The following STK3 variants were observed in gnomAD, a reference collection of about 807,000 sequenced individuals.
The protein encoded by STK3 is serine/threonine-protein kinase 3.
STK3 carries 41 observed loss-of-function variants against 58.0 expected under a neutral mutation model. That is an observed-to-expected ratio of 0.71 (90% CI 0.55 to 0.92). The LOEUF (loss-of-function observed/expected upper bound fraction) is 0.92. Among genes scored for constraint, STK3 ranks in the 40% least tolerant of loss-of-function variants. STK3 has a pLI of 0.00. For synonymous variants in STK3, 170 were observed against 191.0 expected (o/e 0.89, Z 0.91); for missense variants, 479 against 602.7 (o/e 0.79, Z 2.15).
At position 98,825,658 on chromosome 8, in the gene STK3, A is replaced by T; in HGVS notation, c.-118T>A. On this transcript the variant is annotated 5_prime_UTR_variant, in exon 1 of 11. Transcript: ENST00000419617. ...ACAGAGGGAAACTCTGGGAACTCGG[A>T]CCAACTTTCCCGTAACTCCGCGGCG... The T allele has an allele frequency of 8.4e-7, 1 of 1,187,364 alleles. No homozygotes were observed. The highest frequency in any genetic ancestry group is 1.1e-6 in the Non-Finnish European group (1 of 948,152). The allele number at this position is 1,187,364 out of a possible 1,614,324, so 73.6% of individuals were successfully genotyped here.
At chr8:98,776,982 G>A (rs944106811) in intron 1 of STK3, among the ~76,000 whole-genome samples, 3 of 151,848 alleles carry the variant, frequency 2.0e-5, no homozygotes, top group East Asian at 1.9e-4. Context: ...CCCAGGAGGC[G>A]GAGCTTGCCG....
At chr8:98,527,180 T>C (rs1179171775) in intron 9 of STK3, among the ~76,000 whole-genome samples, 2 of 152,240 alleles carry the variant, frequency 1.3e-5, no homozygotes, top group Non-Finnish European at 2.9e-5. Context: ...AGTAAAATCA[T>C]TATCAGAATT....
intron 10 of STK3, among the ~76,000 whole-genome samples, chr8:98,503,686 T>C (rs1781938746): frequency 6.6e-6 from 1 of 152,226 alleles, no homozygotes. Flanking sequence ...GAGCAGGTTG[T>C]TCCGTTTCTG....
chr8:98,853,115 A>G (rs1836538852), intron 3 of STK3, among the ~76,000 whole-genome samples: 1 of 151,992 alleles, frequency 6.6e-6, no homozygotes, highest in Non-Finnish European at 1.5e-5. Context: ...TTAATATTAA[A>G]TTAATTTTTC....
intron 10 of STK3, among the ~76,000 whole-genome samples, chr8:98,494,057 C>A (rs1413771722): frequency 6.6e-6 from 1 of 152,166 alleles, no homozygotes; most frequent in African/African-American, 2.4e-5. Context: ...TACTTCCAAT[C>A]TCAATTTTTT....
At chr8:98,724,393 T>C (rs1587426917) in intron 4 of STK3, among the ~76,000 whole-genome samples, 1 of 152,144 alleles carries the variant, frequency 6.6e-6, no homozygotes, top group South Asian at 2.1e-4. Context: ...GAAAGATACA[T>C]AAGGCATGTG....
chr8:98,896,375 T>C (rs138972042), intron 1 of STK3, among the ~76,000 whole-genome samples: 180 of 152,292 alleles, frequency 1.2e-3, no homozygotes, highest in African/African-American at 4.0e-3. Flanking sequence ...TCACAATGTA[T>C]TAAATAGACA....
At chr8:98,622,167 C>T (rs1387443772) in intron 6 of STK3, among the ~76,000 whole-genome samples, 4 of 149,740 alleles carry the variant, frequency 2.7e-5, no homozygotes, top group Non-Finnish European at 5.9e-5. Context: ...CCCAGCTATT[C>T]GTGAGGCAGG....
intron 3 of STK3, among the ~76,000 whole-genome samples, chr8:98,876,127 C>A (rs1021969291): frequency 6.6e-6 from 1 of 152,206 alleles, no homozygotes; most frequent in African/African-American, 2.4e-5. Flanking sequence ...AATGTCCAAT[C>A]CCTTCTGGGG....
intron 6 of STK3, among the ~76,000 whole-genome samples, chr8:98,610,223 G>A (rs1481397434): frequency 6.6e-6 from 1 of 151,526 alleles, no homozygotes; most frequent in African/African-American, 2.4e-5. Flanking sequence ...ATTACAAAAT[G>A]AGAAAAAAGG....
intron 6 of STK3, among the ~76,000 whole-genome samples, chr8:98,618,439 A>G (rs1267856290): frequency 1.3e-5 from 2 of 152,204 alleles, no homozygotes; most frequent in Admixed American, 1.3e-4. Context: ...CTGCTATTCA[A>G]CATAGTGTTG....
At chr8:98,419,140 C>T (rs187732093) in intron 3 of STK3, among the ~76,000 whole-genome samples, 1 of 152,314 alleles carries the variant, frequency 6.6e-6, no homozygotes, top group African/African-American at 2.4e-5. Context: ...GCAGGAGGAT[C>T]ACTTGAGGCC....
At chr8:98,809,346 C>T (rs1357362384) in intron 1 of STK3, among the ~76,000 whole-genome samples, 1 of 152,122 alleles carries the variant, frequency 6.6e-6, no homozygotes, top group African/African-American at 2.4e-5. Context: ...GACACTCACT[C>T]CAGGGAGATA....
intron 6 of STK3, among the ~76,000 whole-genome samples, chr8:98,647,328 GTTTTC>G (rs928112908): frequency 3.3e-5 from 5 of 152,084 alleles, no homozygotes; most frequent in Non-Finnish European, 7.4e-5. Flanking sequence ...GTACACTCTA[GTTTTC>G]TTTAATCATT....
chr8:98,599,241 T>C (rs1043431384), intron 6 of STK3, among the ~76,000 whole-genome samples: 2 of 152,192 alleles, frequency 1.3e-5, no homozygotes, highest in Non-Finnish European at 1.5e-5. Flanking sequence ...TGTTTCCTGA[T>C]AGCAAACATA....
At position 98,734,987 on chromosome 8, in the gene STK3, A is replaced by G. The variant is rs1238377988; in HGVS notation, c.351+14289T>C. 2.6e-5 allele frequency among the ~76,000 whole-genome samples: 4 copies of G among 152,202 alleles called. No individual in the cohort carries two copies. The East Asian group carries it at 7.7e-4, about 29-fold the overall frequency. ...ATATAACTTTTGTAAAAATCAGGGA[A>G]CTAATGAAACATTCTGGTATTTCAC... On this transcript the variant is annotated intron_variant, in intron 4 of 10. Coordinates refer to ENST00000419617, the MANE Select transcript of STK3 (RefSeq NM_006281.4).
At chr8:98,697,920 C>T (rs56242025) in intron 6 of STK3, among the ~76,000 whole-genome samples, 1,759 of 152,142 alleles carry the variant, frequency 0.012, 20 homozygotes, top group African/African-American at 0.017. Flanking sequence ...GATATCCTTG[C>T]TAACTTTCTG....
chr8:98,747,946 G>C (rs527463297), intron 4 of STK3, among the ~76,000 whole-genome samples: 1 of 152,276 alleles, frequency 6.6e-6, no homozygotes, highest in East Asian at 1.9e-4. Context: ...AACTGACAAA[G>C]AGTTTTCTGA....
intron 1 of STK3, among the ~76,000 whole-genome samples, chr8:98,941,812 CAGTT>C (rs1472577172): frequency 3.3e-5 from 5 of 152,390 alleles, no homozygotes; most frequent in African/African-American, 7.2e-5. Flanking sequence ...CGCCCCTCGT[CAGTT>C]AGCCATTTCC....
Sources: allele counts gnomAD v4.1 joint callset (sites outside exome capture counted in the v4.1 genomes callset), GRCh38; gene constraint gnomAD v4.1.1; transcripts MANE v1.5; gene names NCBI Gene and HGNC (gene_info 2026-07-23, HGNC 2026-07-21).